Variants in PRKD1 observed in about 807,000 individuals in gnomAD.
PRKD1 encodes the protein serine/threonine-protein kinase D1.
PRKD1 carries 63 observed loss-of-function variants against 95.9 expected under a neutral mutation model. The ratio of observed to expected loss-of-function variants is 0.66; its 90% CI spans 0.54 to 0.81. The LOEUF (loss-of-function observed/expected upper bound fraction) is 0.81, where lower values mean the gene tolerates loss of function less well. Among genes scored for constraint, PRKD1 ranks in the 30% least tolerant of loss-of-function variants. PRKD1 has a pLI of 0.00. For synonymous variants in PRKD1, 425 were observed against 423.1 expected (o/e 1.00, Z -0.05); for missense variants, 1,048 against 1,165.3 (o/e 0.90, Z 1.47).
chr14:29,609,004 C>T (rs747017929), intron 13 of PRKD1, among the ~76,000 whole-genome samples: 1 of 152,046 alleles, frequency 6.6e-6, no homozygotes, highest in Non-Finnish European at 1.5e-5. Context: ...TTCAACAAGA[C>T]CAAATAGAAC....
chr14:29,819,272 T>C (rs971929261), intron 1 of PRKD1, among the ~76,000 whole-genome samples: 1 of 151,924 alleles, frequency 6.6e-6, no homozygotes, highest in Non-Finnish European at 1.5e-5. Context: ...TATAAAACAA[T>C]ACCTGATCCT....
intron 2 of PRKD1, among the ~76,000 whole-genome samples, chr14:29,681,240 C>T (rs955259097): frequency 6.6e-5 from 10 of 152,198 alleles, no homozygotes; most frequent in Non-Finnish European, 1.0e-4. Flanking sequence ...TTAGCTCTGT[C>T]GAGTTCTATA....
chr14:29,685,412 G>C (rs888840272), intron 2 of PRKD1, among the ~76,000 whole-genome samples: 3 of 152,200 alleles, frequency 2.0e-5, no homozygotes, highest in Admixed American at 2.0e-4. Context: ...GGATAGAATA[G>C]CACATTGAAA....
intron 1 of PRKD1, among the ~76,000 whole-genome samples, chr14:29,773,459 CA>C (rs397798361): frequency 0.022 from 1,936 of 86,772 alleles, 21 homozygotes; most frequent in African/African-American, 0.062. Flanking sequence ...GGCTCTGTCT[CA>C]AAAAAAAAAA....
chr14:29,614,855 A>G (rs927044314), intron 13 of PRKD1, among the ~76,000 whole-genome samples: 3 of 107,242 alleles, frequency 2.8e-5, no homozygotes, highest in Admixed American at 1.0e-4. Context: ...ATGCCCAGCT[A>G]ATTTTTTTTT....
intron 7 of PRKD1, among the ~76,000 whole-genome samples, chr14:29,634,896 A>T (rs1176120952): frequency 6.6e-6 from 1 of 152,012 alleles, no homozygotes; most frequent in Non-Finnish European, 1.5e-5. Flanking sequence ...TCAGCTGGGC[A>T]TGTTGGCGGG....
intron 1 of PRKD1, among the ~76,000 whole-genome samples, chr14:29,897,030 CTA>C (rs1894155023): frequency 6.6e-6 from 1 of 151,680 alleles, no homozygotes; most frequent in Non-Finnish European, 1.5e-5. Context: ...ATGAAAATAT[CTA>C]TGATCCTACT....
intron 16 of PRKD1, among the ~76,000 whole-genome samples, chr14:29,590,808 T>G (rs1893099627): frequency 6.6e-6 from 1 of 152,202 alleles, no homozygotes; most frequent in Admixed American, 6.5e-5. Flanking sequence ...ATTTATTTTT[T>G]GAGACAGAGT....
At chr14:29,784,391 A>G (rs1889177969) in intron 1 of PRKD1, among the ~76,000 whole-genome samples, 1 of 152,182 alleles carries the variant, frequency 6.6e-6, no homozygotes, top group African/African-American at 2.4e-5. Context: ...TTGTGGTTCC[A>G]TATGAATTTT....
chr14:29,668,723 G>A (rs901003520), intron 2 of PRKD1, among the ~76,000 whole-genome samples: 2 of 152,098 alleles, frequency 1.3e-5, no homozygotes. Flanking sequence ...ATAAAATAAC[G>A]ACAGATCTTC....
At chr14:29,645,879 G>C (rs73255550) in intron 4 of PRKD1, among the ~76,000 whole-genome samples, 5,673 of 151,900 alleles carry the variant, frequency 0.037, 315 homozygotes, top group African/African-American at 0.12. Flanking sequence ...CTCTATTACT[G>C]TCTCACATCA....
chr14:29,602,424 C>A (rs1893555009), intron 13 of PRKD1, among the ~76,000 whole-genome samples: 1 of 136,022 alleles, frequency 7.4e-6, no homozygotes, highest in Admixed American at 7.6e-5. Flanking sequence ...TACCTGTATT[C>A]CTCTTTTTTT....
chr14:29,676,177 G>GGTTTTTTTTTT (rs1555334424), intron 2 of PRKD1, among the ~76,000 whole-genome samples: 14 of 104,760 alleles, frequency 1.3e-4, no homozygotes, highest in African/African-American at 5.9e-4. Flanking sequence ...AGTTCATTAC[G>GGTTTTTTTTTT]TTTTTGTTTT....
intron 10 of PRKD1, among the ~76,000 whole-genome samples, chr14:29,629,735 T>C (rs1879858804): frequency 6.6e-6 from 1 of 152,152 alleles, no homozygotes. Context: ...GGTTGCATTT[T>C]AGCAAATGTA....
chr14:29,925,509 C>T (rs555018139), intron 1 of PRKD1, among the ~76,000 whole-genome samples: 1 of 152,104 alleles, frequency 6.6e-6, no homozygotes, highest in Non-Finnish European at 1.5e-5. Flanking sequence ...CCTCTGCTCT[C>T]GTCTCACTCT....
chr14:29,643,997 T>C (rs1225703577), intron 4 of PRKD1, among the ~76,000 whole-genome samples: 1 of 152,186 alleles, frequency 6.6e-6, no homozygotes, highest in Non-Finnish European at 1.5e-5. Context: ...TATGGATTTG[T>C]CTGAATCATT....
intron 1 of PRKD1, among the ~76,000 whole-genome samples, chr14:29,802,639 A>C (rs1483468659): frequency 6.6e-6 from 1 of 152,224 alleles, no homozygotes; most frequent in Non-Finnish European, 1.5e-5. Context: ...CAACAGATAA[A>C]AGATTGGAAC....
intron 4 of PRKD1, among the ~76,000 whole-genome samples, chr14:29,649,597 T>A (rs1191483150): frequency 6.6e-6 from 1 of 152,152 alleles, no homozygotes; most frequent in Non-Finnish European, 1.5e-5. Flanking sequence ...GGTTTGAATG[T>A]CTAGACTGTT....
intron 1 of PRKD1, among the ~76,000 whole-genome samples, chr14:29,852,019 G>C (rs1053778424): frequency 6.6e-6 from 1 of 152,114 alleles, no homozygotes; most frequent in East Asian, 1.9e-4. Context: ...TTACAAGTGG[G>C]AGCTAAACAC....
Sources: allele counts gnomAD v4.1 joint callset (sites outside exome capture counted in the v4.1 genomes callset), GRCh38; gene constraint gnomAD v4.1.1; transcripts MANE v1.5; gene names NCBI Gene and HGNC (gene_info 2026-07-23, HGNC 2026-07-21).